PLXNC1: variants seen among roughly 807,000 people sequenced by gnomAD.
PLXNC1 encodes plexin-C1.
Under a neutral mutation model 178.2 loss-of-function variants are expected in PLXNC1, and 75 were observed. That is an observed-to-expected ratio of 0.42 (90% CI 0.35 to 0.51). The LOEUF is 0.51. Among genes scored for constraint, PLXNC1 ranks in the 20% least tolerant of loss-of-function variants. PLXNC1 has a pLI of 0.02. For missense variants in PLXNC1, 1,503 were observed against 1,984.4 expected, an observed-to-expected ratio of 0.76 and a Z score of 4.61; for synonymous variants, 790 against 779.9, an observed-to-expected ratio of 1.01 and a Z score of -0.22.
chr12:94,179,740 C>CAAAA (rs63329860), intron 2 of PLXNC1, among the ~76,000 whole-genome samples: 2 of 80,306 alleles, frequency 2.5e-5, no homozygotes, highest in Non-Finnish European at 5.0e-5. Context: ...GACTCCATCT[C>CAAAA]AAAAAAAAAA....
intron 1 of PLXNC1, among the ~76,000 whole-genome samples, chr12:94,151,133 G>T (rs569679097): frequency 6.6e-6 from 1 of 152,142 alleles, no homozygotes; most frequent in Non-Finnish European, 1.5e-5. Context: ...AACGGCTACA[G>T]GTGTTGCCAT....
At chr12:94,172,729 A>G (rs1175571807) in intron 2 of PLXNC1, among the ~76,000 whole-genome samples, 1 of 152,170 alleles carries the variant, frequency 6.6e-6, no homozygotes, top group African/African-American at 2.4e-5. Flanking sequence ...ATCATATTCT[A>G]TTATTTGGGT....
At chr12:94,249,590 A>G (rs1964621091) in intron 14 of PLXNC1, among the ~76,000 whole-genome samples, 1 of 152,092 alleles carries the variant, frequency 6.6e-6, no homozygotes, top group African/African-American at 2.4e-5. Context: ...ACTCAAGCCT[A>G]TAATGCCAGC....
In PLXNC1 at chr12:94,186,488, C is replaced by T. The variant is rs766676972; in HGVS notation, c.1439+15C>T. 7.0e-6 allele frequency: 11 copies of T among 1,565,354 alleles called. No individual in the cohort carries two copies. Among genetic ancestry groups the T allele is most frequent in the South Asian group, 1.1e-5 (1 of 90,036 alleles). ...TCGCTACAAAGGTATCTCCTGAATTCTTTCTCACCAACTCGCATTTTTGAA... is the reference window on the plus strand; with the variant it reads ...TCGCTACAAAGGTATCTCCTGAATTTTTTCTCACCAACTCGCATTTTTGAA... On this transcript the variant is annotated intron_variant, in intron 4 of 30. Transcript: ENST00000258526.
chr12:94,205,310 G>A (rs1159995195), intron 4 of PLXNC1, among the ~76,000 whole-genome samples: 1 of 152,024 alleles, frequency 6.6e-6, no homozygotes, highest in African/African-American at 2.4e-5. Context: ...TTTAAAAGTC[G>A]ATCCAGCTGG....
intron 4 of PLXNC1, among the ~76,000 whole-genome samples, chr12:94,204,674 T>C (rs1190194744): frequency 6.6e-6 from 1 of 152,222 alleles, no homozygotes; most frequent in Non-Finnish European, 1.5e-5. Flanking sequence ...GGACTGGCAA[T>C]TGTAAAGAAA....
At chr12:94,284,492 GTTTCAGATGTTTTTCACTGTTCACC>G (rs1468010824) in intron 23 of PLXNC1, among the ~76,000 whole-genome samples, 28 of 152,184 alleles carry the variant, frequency 1.8e-4, no homozygotes, top group African/African-American at 6.5e-4. Flanking sequence ...TGAAAGGTTT[GTTTCAGATGTTTTTCACTGTTCACC>G]TTTCAGATGT....
intron 1 of PLXNC1, among the ~76,000 whole-genome samples, chr12:94,153,474 G>T (rs1961036456): frequency 6.6e-6 from 1 of 152,076 alleles, no homozygotes; most frequent in Non-Finnish European, 1.5e-5. Context: ...TTTTAATTAT[G>T]CACAAGTTAA....
intron 2 of PLXNC1, among the ~76,000 whole-genome samples, chr12:94,169,857 T>C (rs1248709604): frequency 6.6e-6 from 1 of 152,192 alleles, no homozygotes; most frequent in East Asian, 1.9e-4. Context: ...CTCAGAGGAC[T>C]ATTTCTTCTC....
chr12:94,218,430 C>T (rs1010092367), intron 5 of PLXNC1, among the ~76,000 whole-genome samples: 3 of 152,156 alleles, frequency 2.0e-5, no homozygotes, highest in African/African-American at 7.2e-5. Flanking sequence ...TAACAGAAGA[C>T]AGAGAGCTGC....
chr12:94,182,513 C>T (rs1171980036), intron 3 of PLXNC1, among the ~76,000 whole-genome samples: 1 of 148,780 alleles, frequency 6.7e-6, no homozygotes, highest in Admixed American at 6.7e-5. Context: ...CACCTGAGTT[C>T]AGACGTTCAA....
chr12:94,251,915 C>A (rs940317497), intron 15 of PLXNC1, among the ~76,000 whole-genome samples: 8 of 152,162 alleles, frequency 5.3e-5, no homozygotes, highest in African/African-American at 9.7e-5. Flanking sequence ...ATTGCTTGAA[C>A]CCGGGAGGCG....
intron 2 of PLXNC1, among the ~76,000 whole-genome samples, chr12:94,172,362 A>G (rs1592730472): frequency 2.0e-5 from 3 of 152,188 alleles, no homozygotes; most frequent in African/African-American, 7.2e-5. Flanking sequence ...TTGGGGCCCA[A>G]CTGCTGTTTT....
At chr12:94,202,186 C>T (rs1481096994) in intron 4 of PLXNC1, among the ~76,000 whole-genome samples, 1 of 152,158 alleles carries the variant, frequency 6.6e-6, no homozygotes, top group South Asian at 2.1e-4. Context: ...CTGCAGAAGA[C>T]GTACCTCAAT....
chr12:94,150,989 G>A (rs1960941622), intron 1 of PLXNC1: 1 of 152,194 alleles, frequency 6.6e-6, no homozygotes, highest in Admixed American at 6.5e-5. Context: ...GGGGATTATG[G>A]AGCCATTGTG....
At chr12:94,291,581 C>T (rs1466134657) in intron 23 of PLXNC1, among the ~76,000 whole-genome samples, 1 of 152,124 alleles carries the variant, frequency 6.6e-6, no homozygotes, top group Non-Finnish European at 1.5e-5. Flanking sequence ...GTATACAATA[C>T]AGTGGTTTTA....
chr12:94,294,112 C>T (rs1162953093), intron 23 of PLXNC1, among the ~76,000 whole-genome samples: 1 of 152,178 alleles, frequency 6.6e-6, no homozygotes, highest in Admixed American at 6.5e-5. Flanking sequence ...ATGAAACTGG[C>T]CTAGGTCTTG....
intron 7 of PLXNC1, among the ~76,000 whole-genome samples, chr12:94,224,984 G>A (rs1963899312): frequency 6.6e-6 from 1 of 152,166 alleles, no homozygotes; most frequent in African/African-American, 2.4e-5. Flanking sequence ...AGCCTTGAGT[G>A]TAGGGGTAAA....
At chr12:94,278,632 C>T (rs139906004) in intron 21 of PLXNC1, among the ~76,000 whole-genome samples, 1 of 152,250 alleles carries the variant, frequency 6.6e-6, no homozygotes, top group East Asian at 1.9e-4. Flanking sequence ...GCTGGGGAAA[C>T]CATCTGACTG....
Sources: allele counts gnomAD v4.1 joint callset (sites outside exome capture counted in the v4.1 genomes callset), GRCh38; gene constraint gnomAD v4.1.1; transcripts MANE v1.5; gene names NCBI Gene and HGNC (gene_info 2026-07-23, HGNC 2026-07-21).